Variants in AKAP13 observed in about 807,000 individuals in gnomAD.
AKAP13 encodes the protein A-kinase anchor protein 13.
AKAP13 carries 80 observed loss-of-function variants against 264.5 expected under a neutral mutation model. The ratio of observed to expected loss-of-function variants is 0.30; its 90% CI spans 0.25 to 0.36. The LOEUF is 0.36. AKAP13 is among the 10% of genes least tolerant of loss of function. The pLI, the probability that AKAP13 is intolerant of heterozygous loss-of-function variation, is 1.00. For synonymous variants in AKAP13, 1,380 were observed against 1,250.2 expected (o/e 1.10, Z -2.19); for missense variants, 3,712 against 3,435.2 (o/e 1.08, Z -2.01).
chr15:85,743,773 G>A lies in AKAP13; in HGVS notation c.8340G>A (p.Lys2780=). The change falls in exon 36 of 37, where the codon AAG becomes AAA. Residue 2780 remains lysine (K), a synonymous_variant. Transcript: ENST00000394518. ...STRLFGLTKP[K]EKKEKKKKNK... ...GCCTGTTTGGGTTAACAAAGCCAAAGGAAAAGAAGGAGAAAAAAAAGAAGA... is the reference window on the plus strand; with the variant it reads ...GCCTGTTTGGGTTAACAAAGCCAAAAGAAAAGAAGGAGAAAAAAAAGAAGA... The A allele has an allele frequency of 6.2e-7, 1 of 1,612,796 alleles. No individual in the cohort carries two copies. Among genetic ancestry groups the A allele is most frequent in the Non-Finnish European group, 8.5e-7 (1 of 1,179,596 alleles).
chr15:85,654,009 G>T (rs338536), intron 10 of AKAP13, among the ~76,000 whole-genome samples: 1 of 152,040 alleles, frequency 6.6e-6, no homozygotes. Context: ...GAGCCACTGC[G>T]CCCAGCCACT....
At chr15:85,413,981 T>C (rs2150878470) in intron 1 of AKAP13, among the ~76,000 whole-genome samples, 1 of 152,338 alleles carries the variant, frequency 6.6e-6, no homozygotes. Context: ...TCAACTTTCA[T>C]TGTTTTCTCC....
At chr15:85,613,691 A>AAAAAATATATATATATATATATATATAT (rs1313187436) in intron 8 of AKAP13, among the ~76,000 whole-genome samples, 2 of 91,964 alleles carry the variant, frequency 2.2e-5, no homozygotes, top group African/African-American at 9.1e-5. Context: ...AAAAAAAAAA[A>AAAAAATATATATATATATATATATATAT]ATATATATAT....
intron 1 of AKAP13, among the ~76,000 whole-genome samples, chr15:85,440,749 C>T (rs929148317): frequency 6.6e-6 from 1 of 152,198 alleles, no homozygotes; most frequent in Non-Finnish European, 1.5e-5. Context: ...TCCAGTTACT[C>T]TTGTCATATA....
At chr15:85,537,061 CT>C (rs2077425697) in intron 4 of AKAP13, 1 of 152,164 alleles carries the variant, frequency 6.6e-6, no homozygotes, top group Non-Finnish European at 1.5e-5. Flanking sequence ...ATAGAAGTGT[CT>C]TTAAGTCAAC....
In AKAP13 at chr15:85,741,318, G is replaced by A. The variant is rs2088950348; in HGVS notation, c.7881G>A (p.Gln2627=). 6.2e-7 allele frequency: 1 copy of A among 1,612,922 alleles called. No homozygotes were observed. Among genetic ancestry groups the A allele is most frequent in the Middle Eastern group, 1.7e-4 (1 of 5,844 alleles). The change falls in exon 35 of 37, where the codon CAG becomes CAA. Residue 2627 remains glutamine, a synonymous_variant. Coordinates refer to ENST00000394518, the MANE Select transcript of AKAP13 (RefSeq NM_007200.5). ...TGGCCCAGCGCGAGGAGGAGGTGCA[G>A]CAGGGGCAGCAGGACCTGGAAAAGG... is the stretch of plus-strand genomic sequence containing the variant. ...ALLAQREEEV[Q]QGQQDLEKER...
In AKAP13 at chr15:85,746,351, C is replaced by T. The variant is rs2089369128; in HGVS notation, c.*1674C>T. 1.3e-5 allele frequency: 2 copies of T among 152,110 alleles called. No individual in the cohort carries two copies. The highest frequency in any genetic ancestry group is 4.8e-5 in the African/African-American group (2 of 41,422). 9.4% of individuals were successfully genotyped at this position (152,110 alleles called of 1,614,324 possible). ...GGTGAGCCAGGTCTAGCCCAACAGT[C>T]TAAACTATCCAGTCAATACCGAGTG... On this transcript the variant is annotated 3_prime_UTR_variant, in exon 37 of 37. Transcript: ENST00000394518.
chr15:85,467,695 G>C (rs1034153134), intron 1 of AKAP13, among the ~76,000 whole-genome samples: 6 of 152,124 alleles, frequency 3.9e-5, no homozygotes, highest in African/African-American at 1.4e-4. Flanking sequence ...TATTTTTACT[G>C]TTCTATCTGC....
At chr15:85,475,375 C>T (rs958632945) in intron 1 of AKAP13, among the ~76,000 whole-genome samples, 2 of 152,168 alleles carry the variant, frequency 1.3e-5, no homozygotes, top group African/African-American at 4.8e-5. Flanking sequence ...GCAAAATTCT[C>T]ACCTGTGGAA....
chr15:85,713,112 G>T (rs891204617), intron 19 of AKAP13, among the ~76,000 whole-genome samples: 3 of 152,134 alleles, frequency 2.0e-5, no homozygotes, highest in African/African-American at 7.2e-5. Flanking sequence ...AGCTTTCACT[G>T]CTATGATCAT....
At chr15:85,568,383 A>G (rs143972314) in intron 5 of AKAP13, among the ~76,000 whole-genome samples, 41 of 152,338 alleles carry the variant, frequency 2.7e-4, no homozygotes, top group African/African-American at 9.4e-4. Flanking sequence ...AAGAATGGAA[A>G]AGCGATCAGT....
intron 10 of AKAP13, among the ~76,000 whole-genome samples, chr15:85,650,788 A>AAAAAC (rs2082790363): frequency 1.0e-4 from 13 of 125,052 alleles, no homozygotes; most frequent in East Asian, 4.6e-4. Context: ...AAAAAAAAAA[A>AAAAAC]AACAACAAAA....
chr15:85,721,405 C>T lies in AKAP13; in HGVS notation c.6253-586C>T, dbSNP rs965797074. 2.6e-5 allele frequency among the ~76,000 whole-genome samples: 4 copies of T among 152,288 alleles called. No homozygotes were observed. In the Middle Eastern group the frequency reaches 0.01, roughly 388 times the overall value. On this transcript the variant is annotated intron_variant, in intron 23 of 36. Transcript: ENST00000394518. ...GTAGTACATGGAAATCAATAATTAGCATGTATTTTATGAACTGCATACAGA... is the reference window on the plus strand; with the variant it reads ...GTAGTACATGGAAATCAATAATTAGTATGTATTTTATGAACTGCATACAGA...
At chr15:85,390,054 C>G (rs572787102) in intron 1 of AKAP13, among the ~76,000 whole-genome samples, 6 of 152,298 alleles carry the variant, frequency 3.9e-5, no homozygotes, top group East Asian at 3.9e-4. Flanking sequence ...TCTCTGAAAT[C>G]TAATCTTCTC....
intron 2 of AKAP13, among the ~76,000 whole-genome samples, chr15:85,495,247 G>C (rs1029314964): frequency 6.6e-6 from 1 of 152,090 alleles, no homozygotes; most frequent in Non-Finnish European, 1.5e-5. Context: ...ATGGTTCTTT[G>C]ATGCTTTTTC....
At chr15:85,680,013 A>G (rs1012561336) in intron 14 of AKAP13, among the ~76,000 whole-genome samples, 2 of 152,230 alleles carry the variant, frequency 1.3e-5, no homozygotes, top group Admixed American at 6.5e-5. Context: ...TGAAAATATT[A>G]TAGGAGTCAT....
chr15:85,736,286 G>C, intron 33 of AKAP13, 152 bp downstream of exon 33: 1 of 651,282 alleles, frequency 1.5e-6, no homozygotes. Context: ...ACAGTTGTCA[G>C]TTTCCTTGGC....
intron 1 of AKAP13, among the ~76,000 whole-genome samples, chr15:85,475,036 C>T (rs769419369): frequency 6.6e-6 from 1 of 152,104 alleles, no homozygotes; most frequent in African/African-American, 2.4e-5. Flanking sequence ...GAGAGCCTAC[C>T]TGCCTATATT....
intron 30 of AKAP13, among the ~76,000 whole-genome samples, 194 bp downstream of exon 30, chr15:85,730,901 C>G (rs970437717): frequency 1.3e-5 from 2 of 151,982 alleles, no homozygotes; most frequent in African/African-American, 4.8e-5. Context: ...TTAAAGGGGC[C>G]CTGAAGCCCC....
Sources: allele counts gnomAD v4.1 joint callset (sites outside exome capture counted in the v4.1 genomes callset), GRCh38; gene constraint gnomAD v4.1.1; transcripts MANE v1.5; gene names NCBI Gene and HGNC (gene_info 2026-07-23, HGNC 2026-07-21).